ATRNL1: variants seen among roughly 807,000 people sequenced by gnomAD.
ATRNL1 encodes attractin-like protein 1.
ATRNL1 carries 95 observed loss-of-function variants against 182.7 expected under a neutral mutation model. The observed-to-expected ratio is 0.52, with a 90% CI of 0.44 to 0.62. The LOEUF is 0.62. Ranked by LOEUF, ATRNL1 falls within the 20% of genes least tolerant of loss-of-function variation. The pLI, the probability that ATRNL1 is intolerant of heterozygous loss-of-function variation, is 0.00. For synonymous variants in ATRNL1, 576 were observed against 568.3 expected (o/e 1.01, Z -0.19); for missense variants, 1,471 against 1,679.5 (o/e 0.88, Z 2.17).
intron 27 of ATRNL1, among the ~76,000 whole-genome samples, chr10:115,730,807 T>A (rs1947775094): frequency 6.6e-6 from 1 of 152,074 alleles, no homozygotes; most frequent in Non-Finnish European, 1.5e-5. Context: ...ATGTATATAT[T>A]CTATATATAT....
intron 19 of ATRNL1, among the ~76,000 whole-genome samples, chr10:115,384,026 AT>A (rs1412134149): frequency 6.6e-6 from 1 of 152,030 alleles, no homozygotes; most frequent in Non-Finnish European, 1.5e-5. Flanking sequence ...AATAGGCACA[AT>A]TTAACAGTAC....
At chr10:115,580,774 AT>A (rs372155109) in intron 26 of ATRNL1, among the ~76,000 whole-genome samples, 39 of 148,876 alleles carry the variant, frequency 2.6e-4, no homozygotes, top group African/African-American at 8.6e-4. Flanking sequence ...CTTTTTCATT[AT>A]TTTTTCTACT....
chr10:115,802,643 T>C (rs1477963055), intron 27 of ATRNL1, among the ~76,000 whole-genome samples: 1 of 152,198 alleles, frequency 6.6e-6, no homozygotes, highest in Non-Finnish European at 1.5e-5. Context: ...ATGGCAATAT[T>C]TCATAATAAC....
At chr10:115,297,859 T>C (rs1853282626) in intron 15 of ATRNL1, among the ~76,000 whole-genome samples, 1 of 152,266 alleles carries the variant, frequency 6.6e-6, no homozygotes, top group African/African-American at 2.4e-5. Flanking sequence ...ATGTGCTTTT[T>C]TGAGATTGCA....
At chr10:115,128,273 A>G (rs1845061596) in intron 4 of ATRNL1, 1 of 153,704 alleles carries the variant, frequency 6.5e-6, no homozygotes, top group Non-Finnish European at 1.4e-5. Flanking sequence ...AGTAATATTC[A>G]TTGAGAATCT....
intron 6 of ATRNL1, among the ~76,000 whole-genome samples, chr10:115,165,335 A>G (rs1554884113): frequency 6.6e-6 from 1 of 152,050 alleles, no homozygotes; most frequent in Admixed American, 6.6e-5. Flanking sequence ...AAGTTAATGT[A>G]TATTATACAT....
chr10:115,737,421 G>T (rs1281474512), intron 27 of ATRNL1, among the ~76,000 whole-genome samples: 1 of 150,522 alleles, frequency 6.6e-6, no homozygotes, highest in Non-Finnish European at 1.5e-5. Flanking sequence ...GTTGAACAGA[G>T]CAAGACCCTG....
intron 28 of ATRNL1, among the ~76,000 whole-genome samples, chr10:115,894,675 G>A (rs1952163339): frequency 6.6e-6 from 1 of 152,166 alleles, no homozygotes; most frequent in African/African-American, 2.4e-5. Flanking sequence ...AAATCGCGGG[G>A]TGTCTGTTAT....
At chr10:115,783,617 A>C (rs113958454) in intron 27 of ATRNL1, among the ~76,000 whole-genome samples, 1 of 152,188 alleles carries the variant, frequency 6.6e-6, no homozygotes, top group South Asian at 2.1e-4. Context: ...ATTCAAATAT[A>C]ATGTCATTTA....
chr10:115,254,084 C>G (rs556466368), intron 10 of ATRNL1, among the ~76,000 whole-genome samples: 29 of 152,196 alleles, frequency 1.9e-4, no homozygotes, highest in African/African-American at 6.3e-4. Flanking sequence ...TGAATAGTAC[C>G]GCAGTAAACA....
At chr10:115,302,781 A>G (rs1374858027) in intron 17 of ATRNL1, among the ~76,000 whole-genome samples, 1 of 152,190 alleles carries the variant, frequency 6.6e-6, no homozygotes, top group Non-Finnish European at 1.5e-5. Flanking sequence ...TACAGCTGCC[A>G]AGGGAATTGC....
intron 21 of ATRNL1, among the ~76,000 whole-genome samples, chr10:115,461,352 C>T (rs191809833): frequency 3.1e-4 from 47 of 152,090 alleles, no homozygotes; most frequent in Admixed American, 9.8e-4. Context: ...TATCTTTTCC[C>T]AGAATTCCTT....
rs2144331478 is a variant in ATRNL1 at position 115,204,174 on chromosome 10, A to C, written c.1349-11523A>C. On this transcript the variant is annotated intron_variant, in intron 8 of 28. Coordinates refer to ENST00000355044, the MANE Select transcript of ATRNL1 (RefSeq NM_207303.4). ...ATCCTGCAAGTTTACGGAATTTTTAAATTTTTTTTTACAGATTTTTGGTGG... is the reference window on the plus strand; with the variant it reads ...ATCCTGCAAGTTTACGGAATTTTTACATTTTTTTTTACAGATTTTTGGTGG... Among the ~76,000 whole-genome samples the C allele has an allele frequency of 1.3e-5, 2 of 152,058 alleles. 1 individual carries two copies. Among genetic ancestry groups the C allele is most frequent in the East Asian group, 3.9e-4 (2 of 5,166 alleles).
rs1845885640 is a variant in ATRNL1 at position 115,426,316 on chromosome 10, T to C, written c.3322+14T>C. Reference sequence around the variant, plus strand: ...GAACATGTTATTGTAAGTATATGTGTATTCTTCATTTTAAATAATTGGTGC... The same window carrying C: ...GAACATGTTATTGTAAGTATATGTGCATTCTTCATTTTAAATAATTGGTGC... On this transcript the variant is annotated intron_variant, in intron 21 of 28. Transcript: ENST00000355044. The C allele has an allele frequency of 6.3e-7, 1 of 1,576,538 alleles. No homozygotes were observed. The highest frequency in any genetic ancestry group is 8.7e-7 in the Non-Finnish European group (1 of 1,151,582).
At chr10:115,311,960 T>C (rs1404203765) in intron 17 of ATRNL1, among the ~76,000 whole-genome samples, 2 of 152,074 alleles carry the variant, frequency 1.3e-5, no homozygotes, top group Admixed American at 1.3e-4. Flanking sequence ...GCATTGAATA[T>C]CTTTTTCCAC....
intron 26 of ATRNL1, chr10:115,597,770 G>C (rs1856346866): frequency 2.5e-6 from 1 of 401,106 alleles, no homozygotes; most frequent in East Asian, 8.1e-5. Flanking sequence ...CTGGACCTCA[G>C]GCGATCTGCC....
intron 9 of ATRNL1, among the ~76,000 whole-genome samples, chr10:115,223,931 T>A (rs868993785): frequency 0.35 from 13,085 of 37,104 alleles, 1,259 homozygotes; most frequent in East Asian, 0.6. Context: ...ATATATATAT[T>A]TTTTTTTTTT....
chr10:115,396,079 G>C (rs1844275022), intron 20 of ATRNL1, among the ~76,000 whole-genome samples: 1 of 151,758 alleles, frequency 6.6e-6, no homozygotes, highest in South Asian at 2.1e-4. Context: ...TATATTACTT[G>C]TTGCAGAGTT....
At chr10:115,715,618 T>A (rs1593113082) in intron 26 of ATRNL1, among the ~76,000 whole-genome samples, 1 of 152,118 alleles carries the variant, frequency 6.6e-6, no homozygotes, top group African/African-American at 2.4e-5. Context: ...GAGAGACAAC[T>A]AACACATTGG....
Sources: allele counts gnomAD v4.1 joint callset (sites outside exome capture counted in the v4.1 genomes callset), GRCh38; gene constraint gnomAD v4.1.1; transcripts MANE v1.5; gene names NCBI Gene and HGNC (gene_info 2026-07-23, HGNC 2026-07-21).